Variants in PALM2AKAP2 observed in about 807,000 individuals in gnomAD.
PALM2AKAP2 encodes the protein PALM2-AKAP2 fusion protein.
In PALM2AKAP2, 37 loss-of-function variants were observed where a neutral mutation model predicts 71.5. The observed-to-expected ratio is 0.52, with a 90% confidence interval of 0.40 to 0.68. The LOEUF (loss-of-function observed/expected upper bound fraction) is 0.68, where lower values mean the gene tolerates loss of function less well. Ranked by LOEUF, PALM2AKAP2 falls within the 30% of genes least tolerant of loss-of-function variation. The probability of loss-of-function intolerance (pLI) is 0.00; values close to 1 mark genes in which losing one functional copy is unlikely to be tolerated. For missense variants in PALM2AKAP2, 1,224 were observed against 1,191.8 expected (o/e 1.03, Z -0.40); for synonymous variants, 468 against 478.8 (o/e 0.98, Z 0.29).
At chr9:109,785,897 G>A (rs1039104271) in intron 1 of PALM2AKAP2, among the ~76,000 whole-genome samples, 2 of 152,232 alleles carry the variant, frequency 1.3e-5, no homozygotes, top group African/African-American at 4.8e-5. Flanking sequence ...TTCTGGCTGG[G>A]AGGAGAGGAG....
chr9:109,813,901 G>A (rs536298926), intron 1 of PALM2AKAP2, among the ~76,000 whole-genome samples: 5 of 152,260 alleles, frequency 3.3e-5, no homozygotes, highest in African/African-American at 7.2e-5. Context: ...ATAGTCAGCC[G>A]TGGTGACCAC....
At chr9:109,768,801 G>C (rs1273824627) in intron 1 of PALM2AKAP2, among the ~76,000 whole-genome samples, 1 of 152,164 alleles carries the variant, frequency 6.6e-6, no homozygotes, top group Non-Finnish European at 1.5e-5. Context: ...CAGTAATATA[G>C]TCAGCACCAT....
upstream of PALM2AKAP2, among the ~76,000 whole-genome samples, chr9:109,778,161 T>C (rs1253806347): frequency 1.3e-5 from 2 of 152,232 alleles, no homozygotes; most frequent in South Asian, 2.1e-4. Context: ...TAAATATCTG[T>C]ATAGCTGGGA....
At chr9:110,111,169 G>T (rs1010362957) in intron 1 of PALM2AKAP2, among the ~76,000 whole-genome samples, 17 of 128,144 alleles carry the variant, frequency 1.3e-4, no homozygotes, top group African/African-American at 5.2e-4. Context: ...ACGGCTCACT[G>T]CAGTCTCAAT....
chr9:109,788,895 T>G (rs1022796136), intron 1 of PALM2AKAP2, among the ~76,000 whole-genome samples: 2 of 152,194 alleles, frequency 1.3e-5, no homozygotes, highest in African/African-American at 4.8e-5. Context: ...CTATGATCAC[T>G]GCCACTGCAC....
rs140171961 is a variant in PALM2AKAP2 at position 109,665,828 on chromosome 9, A to G, written c.5+24962A>G. ...AGTCTAGAGACAGTAGGCCTTGTTG[A>G]GCTGCAGTGGGCTCCACCCAGTTCG... On this transcript the variant is annotated intron_variant, in intron 1 of 6. Transcript: ENST00000374531. Among the ~76,000 whole-genome samples, 718 of 152,186 alleles carry G rather than the reference A, an allele frequency of 4.7e-3. 9 individuals carry two copies. Among genetic ancestry groups the G allele is most frequent in the African/African-American group, 0.016 (684 of 41,516 alleles).
At chr9:109,810,927 A>G (rs11794873) in intron 1 of PALM2AKAP2, among the ~76,000 whole-genome samples, 26,944 of 152,130 alleles carry the variant, frequency 0.18, 2,793 homozygotes, top group East Asian at 0.35. Flanking sequence ...TGGTCTGTGG[A>G]TGAACCTTCT....
chr9:109,992,998 C>T (rs1832514242), intron 6 of PALM2AKAP2, among the ~76,000 whole-genome samples: 1 of 148,634 alleles, frequency 6.7e-6, no homozygotes, highest in East Asian at 2.0e-4. Context: ...TTTATTTGGG[C>T]CAAGCCTGGG....
intron 6 of PALM2AKAP2, among the ~76,000 whole-genome samples, chr9:110,009,482 AG>A (rs1832839591): frequency 6.6e-6 from 1 of 152,080 alleles, no homozygotes; most frequent in African/African-American, 2.4e-5. Flanking sequence ...TGGGAGGCCG[AG>A]GCGGGTGGAT....
intron 6 of PALM2AKAP2, among the ~76,000 whole-genome samples, chr9:109,950,759 G>A (rs1831618664): frequency 6.6e-6 from 1 of 152,076 alleles, no homozygotes; most frequent in African/African-American, 2.4e-5. Flanking sequence ...CCCAACTCCA[G>A]CCCAGCTGTG....
intron 6 of PALM2AKAP2, among the ~76,000 whole-genome samples, chr9:110,011,725 C>T (rs77884240): frequency 0.01 from 1,582 of 152,280 alleles, 26 homozygotes; most frequent in African/African-American, 0.036. Context: ...GTCTACTGTG[C>T]GCAGTGTGTG....
At chr9:110,098,201 G>A (rs1250150566) in intron 1 of PALM2AKAP2, among the ~76,000 whole-genome samples, 1 of 151,762 alleles carries the variant, frequency 6.6e-6, no homozygotes, top group East Asian at 1.9e-4. Context: ...TTTTCAAACT[G>A]GTTTAGCATG....
intron 1 of PALM2AKAP2, among the ~76,000 whole-genome samples, chr9:109,825,278 T>A (rs1176607871): frequency 1.3e-5 from 2 of 152,188 alleles, no homozygotes; most frequent in Non-Finnish European, 2.9e-5. Flanking sequence ...ACCTAGGCAA[T>A]ATCTCATTCA....
intron 1 of PALM2AKAP2, among the ~76,000 whole-genome samples, chr9:109,658,487 C>T (rs1827341695): frequency 1.3e-5 from 2 of 152,110 alleles, no homozygotes; most frequent in Non-Finnish European, 2.9e-5. Context: ...ATGAGTTTAG[C>T]ACATGAGTGT....
intron 1 of PALM2AKAP2, among the ~76,000 whole-genome samples, chr9:109,794,926 C>A (rs1413683396): frequency 6.6e-6 from 1 of 152,220 alleles, no homozygotes; most frequent in Non-Finnish European, 1.5e-5. Context: ...TGTGGACACT[C>A]ACAATTGCTC....
At chr9:110,093,680 C>T (rs1325560502) in intron 1 of PALM2AKAP2, among the ~76,000 whole-genome samples, 1 of 152,146 alleles carries the variant, frequency 6.6e-6, no homozygotes, top group Non-Finnish European at 1.5e-5. Context: ...CCTCTCCAGG[C>T]TCATCTCCCC....
chr9:109,829,232 A>G (rs1473969863), intron 1 of PALM2AKAP2, among the ~76,000 whole-genome samples: 1 of 152,204 alleles, frequency 6.6e-6, no homozygotes, highest in African/African-American at 2.4e-5. Flanking sequence ...GGTCAGCGAA[A>G]CACATACCCT....
At chr9:109,905,951 C>T (rs1029692179) in intron 3 of PALM2AKAP2, among the ~76,000 whole-genome samples, 39 of 152,056 alleles carry the variant, frequency 2.6e-4, no homozygotes, top group African/African-American at 8.9e-4. Context: ...ATAGCGAAAC[C>T]CTGTCTCTAC....
At chr9:109,817,573 C>G (rs972660403) in intron 1 of PALM2AKAP2, among the ~76,000 whole-genome samples, 1 of 152,292 alleles carries the variant, frequency 6.6e-6, no homozygotes, top group African/African-American at 2.4e-5. Context: ...ATCTGCCTCT[C>G]TGATGAGCCA....
Sources: allele counts gnomAD v4.1 joint callset (sites outside exome capture counted in the v4.1 genomes callset), GRCh38; gene constraint gnomAD v4.1.1; transcripts MANE v1.5; gene names NCBI Gene and HGNC (gene_info 2026-07-23, HGNC 2026-07-21).